IMPG1: variants seen among roughly 807,000 people sequenced by gnomAD.
IMPG1 encodes interphotoreceptor matrix proteoglycan 1, also known as interphotoreceptor matrix proteoglycan of 150 kDa.
In IMPG1, 85 loss-of-function variants were observed where a neutral mutation model predicts 92.0. The observed-to-expected ratio is 0.92, with a 90% CI of 0.78 to 1.11. The LOEUF is 1.11. IMPG1 is among the 50% of genes least tolerant of loss of function. The probability of loss-of-function intolerance (pLI) is 0.00; values close to 1 mark genes in which losing one functional copy is unlikely to be tolerated. For missense variants in IMPG1, 1,022 were observed against 956.0 expected (o/e 1.07, Z -0.91); for synonymous variants, 367 against 334.1 (o/e 1.10, Z -1.08).
At chr6:76,047,599 T>A (rs760189849) in intron 1 of IMPG1, among the ~76,000 whole-genome samples, 2 of 152,244 alleles carry the variant, frequency 1.3e-5, no homozygotes, top group African/African-American at 2.4e-5. Context: ...TGTATTGTAA[T>A]CTTGCCCTCC....
rs116555350 is a variant in IMPG1, at chr6:75,937,323, G to A, written c.2045-6172C>T. 8.0e-3 allele frequency among the ~76,000 whole-genome samples: 1,217 copies of A among 151,836 alleles called. 17 individuals are homozygous for A. Among genetic ancestry groups the A allele is most frequent in the African/African-American group, 0.027 (1,126 of 41,342 alleles). On this transcript the variant is annotated intron_variant, in intron 14 of 16. Transcript: ENST00000369950. ...AATATGATAAGAAATTTCATTTGGC[G>A]AAGTGTAGAAACTAACAGAATTCAT...
At chr6:75,947,632 T>C (rs186188993) in intron 13 of IMPG1, 99 bp from the exon 14 acceptor site, 26 of 802,760 alleles carry the variant, frequency 3.2e-5, no homozygotes, top group Non-Finnish European at 4.7e-5. Context: ...GACATATATT[T>C]TAGTTCCTTT....
intron 2 of IMPG1, among the ~76,000 whole-genome samples, chr6:76,038,955 A>T (rs1473160873): frequency 6.6e-6 from 1 of 152,250 alleles, no homozygotes; most frequent in Non-Finnish European, 1.5e-5. Flanking sequence ...AATGCACAGT[A>T]CAGGGTTGTG....
At chr6:76,011,841 T>C (rs1783191905) in intron 7 of IMPG1, among the ~76,000 whole-genome samples, 1 of 149,464 alleles carries the variant, frequency 6.7e-6, no homozygotes, top group Admixed American at 6.7e-5. Flanking sequence ...CGGTGTTTGG[T>C]TTTTTGTTCT....
rs568391010 is a variant in IMPG1 at position 75,932,635 on chromosome 6, A to G, written c.2045-1484T>C. 9.9e-5 allele frequency among the ~76,000 whole-genome samples: 15 copies of G among 152,268 alleles called. No individual in the cohort carries two copies. In the East Asian group the frequency reaches 2.7e-3, roughly 27 times the overall value. On this transcript the variant is annotated intron_variant, in intron 14 of 16. Transcript: ENST00000369950. The stretch of plus-strand genomic sequence containing the variant: ...GTTGTTATCATTTTCTTTATCTGCC[A>G]TATCCCAAAGACATTTTTCCTTAGA...
In IMPG1 at chr6:75,921,691, C is replaced by G. The variant is rs1781432499; in HGVS notation, c.*398G>C. 2 of 189,256 alleles carry G rather than the reference C, an allele frequency of 1.1e-5. No homozygotes were observed. The highest frequency in any genetic ancestry group is 1.0e-4 in the South Asian group (1 of 9,590). 11.7% of individuals were successfully genotyped at this position (189,256 alleles called of 1,614,324 possible). On this transcript the variant is annotated 3_prime_UTR_variant, in exon 17 of 17. Transcript: ENST00000369950. ...CGTAAGTAGTCATCTTTTAAATGTACTTTCTAGCATATAAAGAGTTTGCTT... is the reference window on the plus strand; with the variant it reads ...CGTAAGTAGTCATCTTTTAAATGTAGTTTCTAGCATATAAAGAGTTTGCTT...
At chr6:75,987,217 A>G (rs1782731078) in intron 12 of IMPG1, among the ~76,000 whole-genome samples, 1 of 152,104 alleles carries the variant, frequency 6.6e-6, no homozygotes. Context: ...GCTGAAATTC[A>G]GCCAAGGCCT....
At position 76,018,867 on chromosome 6, in the gene IMPG1, A is replaced by G; in HGVS notation, c.667-9T>C. The G allele has an allele frequency of 1.7e-5, 3 of 178,182 alleles. No individual in the cohort carries two copies. Among genetic ancestry groups the G allele is most frequent in the Non-Finnish European group, 2.0e-5 (2 of 99,482 alleles). The allele number at this position is 178,182 out of a possible 1,614,324, so 11.0% of individuals were successfully genotyped here. On this transcript the variant is annotated splice_polypyrimidine_tract_variant and intron_variant, in intron 6 of 16. Coordinates refer to ENST00000369950, the MANE Select transcript of IMPG1 (RefSeq NM_001563.4). ...AATTCTGTTTCTCTTTCCTGAGTTT[A>G]AAAAAAAAAAAAAGGACTTCTGTTA...
chr6:75,934,877 A>G (rs1200043731), intron 14 of IMPG1: 1 of 459,426 alleles, frequency 2.2e-6, no homozygotes, highest in Non-Finnish European at 4.6e-6. Flanking sequence ...TCTCCCTAAC[A>G]TTTATCATAT....
chr6:76,027,771 A>G (rs1405063675), intron 4 of IMPG1, among the ~76,000 whole-genome samples: 1 of 152,360 alleles, frequency 6.6e-6, no homozygotes, highest in East Asian at 1.9e-4. Context: ...AAATTTGTAA[A>G]GGGTTATAAA....
chr6:76,028,361 A>G (rs1783588458), intron 4 of IMPG1, among the ~76,000 whole-genome samples: 1 of 152,230 alleles, frequency 6.6e-6, no homozygotes. Context: ...AATAAAGGAA[A>G]ATGTACAGGA....
chr6:75,981,173 T>C (rs1205160717), intron 12 of IMPG1, among the ~76,000 whole-genome samples: 1 of 152,216 alleles, frequency 6.6e-6, no homozygotes, highest in African/African-American at 2.4e-5. Context: ...TGTCTTTTCA[T>C]TATAGATAGT....
At chr6:76,002,882 T>A in intron 12 of IMPG1, 36 bp downstream of exon 12, 1 of 1,482,150 alleles carries the variant, frequency 6.7e-7, no homozygotes, top group South Asian at 1.1e-5. Context: ...AAGCATATGT[T>A]GTCATCTAAC....
intron 2 of IMPG1, among the ~76,000 whole-genome samples, chr6:76,039,356 GTTT>G (rs34625575): frequency 5.2e-5 from 7 of 133,512 alleles, no homozygotes; most frequent in Admixed American, 7.4e-5. Context: ...AGATCTAGCT[GTTT>G]TTTTTTTTTT....
chr6:76,034,492 A>G lies in IMPG1; in HGVS notation c.468+129T>C, dbSNP rs565627360. 3.3e-6 allele frequency: 4 copies of G among 1,229,822 alleles called. No individual in the cohort carries two copies. The South Asian group carries it at 5.5e-5, about 17-fold the overall frequency. 76.2% of individuals were successfully genotyped at this position (1,229,822 alleles called of 1,614,324 possible). A position where few individuals can be genotyped will look rare whatever the true frequency, so the allele number is the denominator to read the frequency against. ...GCAAGAATAAAATTTCTATTGGCCT[A>G]ATCAGATACCTCCAAGCACTTCTTC... On this transcript the variant is annotated intron_variant, in intron 3 of 16. Transcript: ENST00000369950.
chr6:75,986,594 T>C (rs560647421), intron 12 of IMPG1, among the ~76,000 whole-genome samples: 1 of 152,278 alleles, frequency 6.6e-6, no homozygotes, highest in Non-Finnish European at 1.5e-5. Flanking sequence ...ATGATGCTGG[T>C]AATATAACTT....
chr6:75,950,444 G>A, intron 13 of IMPG1, 118 bp downstream of exon 13: 2 of 859,038 alleles, frequency 2.3e-6, no homozygotes, highest in South Asian at 1.9e-5. Flanking sequence ...GCAACAGCTG[G>A]CTTGGCGGTT....
At chr6:76,025,037 A>G (rs1017023592) in intron 5 of IMPG1, 157 bp downstream of exon 5, 1 of 648,872 alleles carries the variant, frequency 1.5e-6, no homozygotes, top group African/African-American at 1.8e-5. Flanking sequence ...GTTGTATGCA[A>G]TAAATTTAAA....
chr6:76,001,912 G>T (rs1295710798), intron 12 of IMPG1, among the ~76,000 whole-genome samples: 1 of 152,112 alleles, frequency 6.6e-6, no homozygotes, highest in East Asian at 1.9e-4. Flanking sequence ...AATTAATTCT[G>T]CTATCATACC....
Sources: gnomAD v4.1 joint callset for allele counts (sites outside exome capture counted in the v4.1 genomes callset) on GRCh38, gnomAD v4.1.1 for gene constraint, MANE v1.5 for transcripts, NCBI Gene and HGNC (gene_info 2026-07-23, HGNC 2026-07-21) for gene names.